The following ERN1 variants were observed in gnomAD, a reference collection of about 807,000 sequenced individuals.
The protein encoded by ERN1 is endoplasmic reticulum to nucleus signaling 1, also known as serine/threonine-protein kinase/endoribonuclease IRE1.
ERN1 carries 39 observed loss-of-function variants against 113.1 expected under a neutral mutation model. That is an observed-to-expected ratio of 0.34 (90% confidence interval 0.27 to 0.45). The LOEUF (loss-of-function observed/expected upper bound fraction) is 0.45. Among genes scored for constraint, ERN1 ranks in the 20% least tolerant of loss-of-function variants. The pLI is 1.00. For synonymous variants in ERN1, 507 were observed against 515.9 expected, an observed-to-expected ratio of 0.98 and a Z score of 0.23; for missense variants, 976 against 1,274.8, an observed-to-expected ratio of 0.77 and a Z score of 3.57.
intron 1 of ERN1, chr17:64,102,874 A>G (rs1914424910): frequency 1.0e-6 from 1 of 985,164 alleles, no homozygotes; most frequent in Admixed American, 6.1e-5. Flanking sequence ...AATTTGATTC[A>G]GTTTTAAAAC....
intron 1 of ERN1, chr17:64,102,733 T>C: frequency 2.0e-6 from 2 of 985,402 alleles, no homozygotes. Flanking sequence ...TGCCCAGCCA[T>C]TTCAGTCCTC....
rs374518749 is a variant in ERN1 at position 64,060,555 on chromosome 17, T to G, written c.1120A>C (p.Lys374Gln). 230 of 1,613,766 alleles carry G rather than the reference T, an allele frequency of 1.4e-4. No individual in the cohort carries two copies. The highest frequency in any genetic ancestry group is 1.9e-4 in the Non-Finnish European group (220 of 1,179,768). The change falls in exon 11 of 22, where the codon AAG (lysine) becomes CAG (glutamine). Residue 374 changes from lysine to glutamine, a missense_variant. By Grantham distance (53) the Lys-to-Gln change is moderately conservative. Transcript: ENST00000433197. ...HHETPLSAST[K>Q]MLERFPNNLP... The stretch of plus-strand genomic sequence containing the variant: ...TTGTTGGGAAATCTCTCCAGCATCT[T>G]GGTAGACGCAGACAGTGGGGTTTCA...
chr17:64,049,342 C>G lies in ERN1; in HGVS notation c.2254-140G>C. ...AATCAGCTGACATATGTGAGCTGCA[C>G]AGAGCAGCGAGGGCTAACCTGCAGC... On this transcript the variant is annotated intron_variant, in intron 17 of 21. Coordinates refer to ENST00000433197, the MANE Select transcript of ERN1 (RefSeq NM_001433.5). The surrounding 1 kb of genome is among the most constrained non-coding windows in gnomAD (Gnocchi z 4.7). 1.1e-6 allele frequency: 1 copy of G among 891,956 alleles called. No individual in the cohort carries two copies. Among genetic ancestry groups the G allele is most frequent in the South Asian group, 2.2e-5 (1 of 46,148 alleles). 55.3% of individuals were successfully genotyped at this position (891,956 alleles called of 1,614,324 possible).
chr17:64,116,617 A>G (rs1208070501), intron 1 of ERN1, among the ~76,000 whole-genome samples: 1 of 151,484 alleles, frequency 6.6e-6, no homozygotes, highest in Non-Finnish European at 1.5e-5. Flanking sequence ...CCTACAATGG[A>G]AAAAAAATGT....
intron 2 of ERN1, among the ~76,000 whole-genome samples, chr17:64,088,170 C>A (rs1913987679): frequency 6.6e-6 from 1 of 152,124 alleles, no homozygotes; most frequent in Non-Finnish European, 1.5e-5. Flanking sequence ...CTTCTCTTAT[C>A]TTTCCCAGAT....
At chr17:64,109,296 G>A (rs1914612443) in intron 1 of ERN1, among the ~76,000 whole-genome samples, 1 of 152,164 alleles carries the variant, frequency 6.6e-6, no homozygotes, top group Admixed American at 6.5e-5. Context: ...GAGTAGACAG[G>A]AGAGTCAAGT....
At position 64,083,590 on chromosome 17, in the gene ERN1, A is replaced by C. The variant is rs1469469602; in HGVS notation, c.176-2782T>G. On this transcript the variant is annotated intron_variant, in intron 2 of 21. Transcript: ENST00000433197. ...TTCACAAATATAAAAAGTGGCTGTTATGTAAGGTAAAGGTAAGGTTATCTG... is the reference window on the plus strand; with the variant it reads ...TTCACAAATATAAAAAGTGGCTGTTCTGTAAGGTAAAGGTAAGGTTATCTG... Among the ~76,000 whole-genome samples, 3 of 152,206 alleles carry C rather than the reference A, an allele frequency of 2.0e-5. No homozygotes were observed. The East Asian group carries it at 5.8e-4, about 29-fold the overall frequency.
chr17:64,109,910 C>T (rs751319864), intron 1 of ERN1, among the ~76,000 whole-genome samples: 1 of 152,156 alleles, frequency 6.6e-6, no homozygotes, highest in African/African-American at 2.4e-5. Context: ...CCTTTGAATC[C>T]TGCTGGGGTA....
At chr17:64,109,009 AATTACTT>A (rs1210692685) in intron 1 of ERN1, among the ~76,000 whole-genome samples, 1 of 152,090 alleles carries the variant, frequency 6.6e-6, no homozygotes, top group East Asian at 1.9e-4. Flanking sequence ...CTGTAATCCC[AATTACTT>A]GGGAGGCTGA....
intron 1 of ERN1, among the ~76,000 whole-genome samples, chr17:64,124,144 A>G (rs944931275): frequency 6.6e-6 from 1 of 152,234 alleles, no homozygotes; most frequent in East Asian, 1.9e-4. Flanking sequence ...TCCTTCCTAC[A>G]TTGCAGGTGG....
Position 64,054,678 on chromosome 17 carries a change from C to T in ERN1, c.1763+60G>A. 7.2e-7 allele frequency: 1 copy of T among 1,389,838 alleles called. No individual in the cohort carries two copies. Among genetic ancestry groups the T allele is most frequent in the Non-Finnish European group, 9.9e-7 (1 of 1,005,742 alleles). 86.1% of individuals were successfully genotyped at this position (1,389,838 alleles called of 1,614,324 possible). A position where few individuals can be genotyped will look rare whatever the true frequency, so the allele number is the denominator to read the frequency against. ...TGCTCTGAGCCTGGCACCAGGCTCG[C>T]AACCTGACAGGCACTTAGACACCAG... On this transcript the variant is annotated intron_variant, in intron 14 of 21. Coordinates refer to ENST00000433197, the MANE Select transcript of ERN1 (RefSeq NM_001433.5). The surrounding 1 kb of genome is among the most constrained non-coding windows in gnomAD (Gnocchi z 4.9).
chr17:64,076,603 TC>T (rs1203005283), intron 4 of ERN1, among the ~76,000 whole-genome samples: 2 of 34,204 alleles, frequency 5.8e-5, no homozygotes, highest in Non-Finnish European at 1.3e-4. Flanking sequence ...AAGGGCATCC[TC>T]TTTTTTTTTT....
chr17:64,108,794 T>G (rs1218743032), intron 1 of ERN1, among the ~76,000 whole-genome samples: 1 of 152,246 alleles, frequency 6.6e-6, no homozygotes, highest in Non-Finnish European at 1.5e-5. Context: ...TTTATCCATT[T>G]GAGTATGTCT....
At chr17:64,103,068 G>T in intron 1 of ERN1, 1 of 478,984 alleles carries the variant, frequency 2.1e-6, no homozygotes, top group Non-Finnish European at 2.7e-6. Flanking sequence ...TGTCCAGCAT[G>T]TGTCACTCAG....
Position 64,126,080 on chromosome 17 carries a change from A to G in ERN1, c.54+3896T>C, listed in dbSNP as rs1349887138. On this transcript the variant is annotated intron_variant, in intron 1 of 21. Coordinates refer to ENST00000433197, the MANE Select transcript of ERN1 (RefSeq NM_001433.5). ...GGGATATAGGTAAAGATAGAAAGGA[A>G]AAAAAAAACTGCTTCTGGGAAATAT... 2.0e-5 allele frequency among the ~76,000 whole-genome samples: 3 copies of G among 150,896 alleles called. No homozygotes were observed. In the East Asian group the frequency reaches 5.8e-4, roughly 29 times the overall value.
intron 6 of ERN1, among the ~76,000 whole-genome samples, chr17:64,069,893 G>A (rs996339093): frequency 5.9e-5 from 9 of 152,110 alleles, no homozygotes; most frequent in Non-Finnish European, 1.0e-4. Flanking sequence ...GAGTGGGAGG[G>A]TTGTAAACTA....
At chr17:64,112,973 G>C (rs1459617887) in intron 1 of ERN1, among the ~76,000 whole-genome samples, 1 of 152,216 alleles carries the variant, frequency 6.6e-6, no homozygotes, top group Non-Finnish European at 1.5e-5. Flanking sequence ...TAATCTAGCT[G>C]AAAGAAACCT....
At position 64,044,523 on chromosome 17, in the gene ERN1, G is replaced by A. The variant is rs998768505; in HGVS notation, c.2722-323C>T. On this transcript the variant is annotated intron_variant, in intron 21 of 21. Transcript: ENST00000433197. This position sits in a 1 kb window ranked among gnomAD's most constrained non-coding sequence, Gnocchi z 4.1. The stretch of plus-strand genomic sequence containing the variant: ...CTGAGATTGGAGTGTCCGTCCCAGT[G>A]GGGTCCCCGCATTTGAGGTATGTTT... Among the ~76,000 whole-genome samples, 5 of 152,164 alleles carry A rather than the reference G, an allele frequency of 3.3e-5. No homozygotes were observed. Among genetic ancestry groups the A allele is most frequent in the African/African-American group, 1.2e-4 (5 of 41,446 alleles).
rs1913298830 is a variant in ERN1 at position 64,068,232 on chromosome 17, A to C, written c.538T>G (p.Phe180Val). The C allele has an allele frequency of 6.2e-7, 1 of 1,612,584 alleles. No individual in the cohort carries two copies. Among genetic ancestry groups the C allele is most frequent in the African/African-American group, 1.3e-5 (1 of 74,918 alleles). Residue 180 changes from phenylalanine (F) to valine (V), a missense_variant, in exon 7 of 22, where the codon TTT becomes GTT. Phe to Val is a conservative substitution (Grantham distance 50, BLOSUM62 -1). Around this residue, in one of 5 missense-constraint regions of ERN1, gnomAD observed 459 missense variants for 581.2 expected, o/e 0.79. Transcript: ENST00000433197. The stretch of plus-strand genomic sequence containing the variant: ...TCAGGCAGTGAGGCCGCATAGTCAA[A>C]GTAGGTGGCATTCCACCGGAGCTCT... Reference protein sequence around the residue: ...TRELRWNATYFDYAASLPEDD... With the variant: ...TRELRWNATYVDYAASLPEDD...
Sources: allele counts gnomAD v4.1 joint callset (sites outside exome capture counted in the v4.1 genomes callset), GRCh38; gene constraint gnomAD v4.1.1; regional missense constraint gnomAD v4.1.1; non-coding constraint Gnocchi (gnomAD v3.1); transcripts MANE v1.5; gene names NCBI Gene and HGNC (gene_info 2026-07-23, HGNC 2026-07-21).